GDA: variants seen among roughly 807,000 people sequenced by gnomAD.
GDA encodes the protein guanine deaminase.
A neutral mutation model predicts 59.6 loss-of-function variants in GDA; 18 were observed. The observed-to-expected ratio is 0.30, with a 90% CI of 0.21 to 0.45. The LOEUF (loss-of-function observed/expected upper bound fraction) is 0.45. Among genes scored for constraint, GDA ranks in the 20% least tolerant of loss-of-function variants. The pLI is 1.00. For missense variants in GDA, 427 were observed against 552.3 expected (o/e 0.77, Z 2.27); for synonymous variants, 201 against 201.1 (o/e 1.00, Z 0.00).
At chr9:72,202,892 G>A (rs1834185033) in intron 3 of GDA, 150 bp downstream of exon 3, 20 of 502,888 alleles carry the variant, frequency 4.0e-5, no homozygotes, top group Non-Finnish European at 6.2e-5. Flanking sequence ...AGTCCAGTGA[G>A]TTTGTGACCA....
chr9:72,173,914 C>T (rs1378993668), intron 1 of GDA, among the ~76,000 whole-genome samples: 1 of 152,028 alleles, frequency 6.6e-6, no homozygotes, highest in Non-Finnish European at 1.5e-5. Flanking sequence ...TGGGGTATTT[C>T]TTTTTCTTCT....
At chr9:72,138,244 C>T (rs1826314868) in intron 1 of GDA, among the ~76,000 whole-genome samples, 1 of 152,140 alleles carries the variant, frequency 6.6e-6, no homozygotes, top group South Asian at 2.1e-4. Flanking sequence ...TCCCTCTGTG[C>T]CCAAGCTGTT....
chr9:72,236,355 G>T (rs763726303), intron 10 of GDA, among the ~76,000 whole-genome samples: 1 of 151,880 alleles, frequency 6.6e-6, no homozygotes, highest in African/African-American at 2.4e-5. Context: ...TGTAATAAGC[G>T]TATATCTCCT....
At chr9:72,163,588 G>T (rs1406979289) in intron 1 of GDA, among the ~76,000 whole-genome samples, 1 of 151,958 alleles carries the variant, frequency 6.6e-6, no homozygotes, top group Non-Finnish European at 1.5e-5. Context: ...CACCTCCCGG[G>T]TTCACGCCAT....
intron 1 of GDA, among the ~76,000 whole-genome samples, chr9:72,127,302 A>C (rs1041213886): frequency 8.5e-5 from 13 of 152,182 alleles, no homozygotes; most frequent in Non-Finnish European, 4.4e-5. Context: ...GACATGAAGA[A>C]ACAAATAAAC....
intron 6 of GDA, among the ~76,000 whole-genome samples, chr9:72,220,023 T>C (rs1183558550): frequency 6.6e-6 from 1 of 152,188 alleles, no homozygotes; most frequent in Non-Finnish European, 1.5e-5. Flanking sequence ...TGGAAACAAC[T>C]TAAGTGTCTG....
intron 8 of GDA, among the ~76,000 whole-genome samples, chr9:72,226,223 T>C (rs894326408): frequency 1.3e-5 from 2 of 152,200 alleles, no homozygotes; most frequent in Non-Finnish European, 2.9e-5. Context: ...GCTAATTTTA[T>C]ATTAAAGTTT....
At chr9:72,242,216 A>G (rs1366282290) in intron 11 of GDA, among the ~76,000 whole-genome samples, 1 of 152,226 alleles carries the variant, frequency 6.6e-6, no homozygotes, top group East Asian at 1.9e-4. Context: ...ATCTTCCTGT[A>G]TAAATCCCTG....
At chr9:72,237,574 T>C (rs1839159856) in intron 10 of GDA, among the ~76,000 whole-genome samples, 1 of 152,206 alleles carries the variant, frequency 6.6e-6, no homozygotes, top group Admixed American at 6.5e-5. Context: ...TGATTTAATA[T>C]ACTCAGATGA....
At chr9:72,257,231 G>T (rs2131911468), downstream of GDA, 1 of 152,362 alleles carries the variant, frequency 6.6e-6, no homozygotes, top group South Asian at 2.1e-4. Flanking sequence ...GCCCCTGCAT[G>T]GGTGACTCCC....
intron 1 of GDA, among the ~76,000 whole-genome samples, chr9:72,116,207 C>T (rs1267739976): frequency 4.0e-5 from 6 of 150,688 alleles, no homozygotes; most frequent in Non-Finnish European, 7.4e-5. Flanking sequence ...GCACTCCAGC[C>T]TGGGCAACAA....
At chr9:72,221,167 G>T (rs1383902442) in intron 6 of GDA, among the ~76,000 whole-genome samples, 1 of 152,110 alleles carries the variant, frequency 6.6e-6, no homozygotes, top group East Asian at 1.9e-4. Context: ...CAACTGAATA[G>T]TGCTCAGGAA....
chr9:72,211,516 A>G (rs1835364080), intron 4 of GDA, among the ~76,000 whole-genome samples: 1 of 152,196 alleles, frequency 6.6e-6, no homozygotes. Context: ...TGCTCAGTAA[A>G]TACTGTTGGC....
rs752754208 is a variant in GDA, at chr9:72,219,459, C to T, written c.579-20C>T. 1 of 1,547,342 alleles carries T rather than the reference C, an allele frequency of 6.5e-7. No individual in the cohort carries two copies. Among genetic ancestry groups the T allele is most frequent in the Non-Finnish European group, 8.9e-7 (1 of 1,128,758 alleles). On this transcript the variant is annotated intron_variant, in intron 5 of 13. Coordinates refer to ENST00000358399, the MANE Select transcript of GDA (RefSeq NM_004293.5). ...AAGAAAATGCTCAAGTTTTCTAACC[C>T]ATTTGTTGCTTTATTTCAGATTTGT...
Position 72,202,347 on chromosome 9 carries a change from C to A in GDA, c.213-224C>A, listed in dbSNP as rs1310151254. 7.3e-4 allele frequency among the ~76,000 whole-genome samples: 111 copies of A among 152,186 alleles called. 2 individuals carry two copies. Among genetic ancestry groups the A allele is most frequent in the Admixed American group, 7.3e-3 (111 of 15,280 alleles). The stretch of plus-strand genomic sequence containing the variant: ...CCCTCCCTTCGTCATCACTGGTTAA[C>A]CCCGACCAGCCATTCCAACCTAGAA... On this transcript the variant is annotated intron_variant, in intron 2 of 13. Coordinates refer to ENST00000358399, the MANE Select transcript of GDA (RefSeq NM_004293.5).
chr9:72,128,993 C>T (rs1825940507), intron 1 of GDA, among the ~76,000 whole-genome samples: 1 of 148,646 alleles, frequency 6.7e-6, no homozygotes, highest in Admixed American at 6.8e-5. Flanking sequence ...GACAGAGTTT[C>T]GCTGTTTTGC....
chr9:72,118,076 T>A (rs1024164661), intron 1 of GDA, among the ~76,000 whole-genome samples: 3 of 151,746 alleles, frequency 2.0e-5, no homozygotes, highest in African/African-American at 7.3e-5. Context: ...ATCAAGACCA[T>A]CCTGGCTAAC....
intron 2 of GDA, among the ~76,000 whole-genome samples, chr9:72,198,556 A>G (rs1833497635): frequency 6.6e-6 from 1 of 151,920 alleles, no homozygotes. Context: ...ATTAATGCAA[A>G]AACTCATGAT....
chr9:72,180,916 G>A (rs1207929259), intron 1 of GDA, among the ~76,000 whole-genome samples: 2 of 152,176 alleles, frequency 1.3e-5, no homozygotes, highest in Non-Finnish European at 2.9e-5. Context: ...CTGGTGTTGA[G>A]GTGCTACAAA....
Sources: allele counts gnomAD v4.1 joint callset (sites outside exome capture counted in the v4.1 genomes callset), GRCh38; gene constraint gnomAD v4.1.1; transcripts MANE v1.5; gene names NCBI Gene and HGNC (gene_info 2026-07-23, HGNC 2026-07-21).